MVD: variants seen among roughly 807,000 people sequenced by gnomAD.
MVD encodes the protein mevalonate diphosphate decarboxylase, also known as diphosphomevalonate decarboxylase.
In MVD, 52 loss-of-function variants were observed where a neutral mutation model predicts 42.4. The ratio of observed to expected loss-of-function variants is 1.23; its 90% CI spans 0.98 to 1.55. The LOEUF is 1.55. MVD is among the 40% of genes most tolerant of loss of function. The probability of loss-of-function intolerance (pLI) is 0.00; values close to 1 mark genes in which losing one functional copy is unlikely to be tolerated. For missense variants in MVD, 663 were observed against 572.1 expected (o/e 1.16, Z -1.62); for synonymous variants, 287 against 243.2 (o/e 1.18, Z -1.68).
intron 1 of MVD, among the ~76,000 whole-genome samples, chr16:88,661,858 TATATATA>T (rs1217564475): frequency 6.8e-6 from 1 of 147,762 alleles, no homozygotes; most frequent in Non-Finnish European, 1.5e-5. Context: ...AAAAAAAGTA[TATATATA>T]ATATATATAT....
At chr16:88,658,767 C>A in intron 1 of MVD, 47 bp from the exon 2 acceptor site, 1 of 1,491,542 alleles carries the variant, frequency 6.7e-7, no homozygotes, top group Non-Finnish European at 9.1e-7. Context: ...CCGGCCCACC[C>A]TCCCCCAGTG....
chr16:88,662,885 C>T, intron 1 of MVD, 126 bp downstream of exon 1: 19 of 1,478,528 alleles, frequency 1.3e-5, no homozygotes, highest in Non-Finnish European at 1.6e-5. Context: ...CCCTGAGCCT[C>T]AGTTTCCCCG....
rs34657446 is a variant in MVD at position 88,654,703 on chromosome 16, C to T, written c.1002G>A (p.Ser334=). Residue 334 remains serine (S), a synonymous_variant, in exon 8 of 10, where the codon TCG becomes TCA. Coordinates refer to ENST00000301012, the MANE Select transcript of MVD (RefSeq NM_002461.3). ...GGGTCCACACTCACGTGTCTCCATTCGAGCCTGGGGGAAAGCCGTGCCACA... is the reference window on the plus strand; with the variant it reads ...GGGTCCACACTCACGTGTCTCCATTTGAGCCTGGGGGAAAGCCGTGCCACA... ...AAVWHGFPPG[S]NGDTFLKGLQ... 80 of 1,598,396 alleles carry T rather than the reference C, an allele frequency of 5.0e-5. No individual in the cohort carries two copies. The African/African-American group carries it at 7.9e-4, about 16-fold the overall frequency.
rs1427820398 is a variant in MVD, at chr16:88,652,557, C to T, written c.1171G>A (p.Gly391Ser). Reference sequence around the variant, plus strand: ...GCTGGCTTCGGCAGGCCGTCAGGACCCAGGAGGTGGGCGCAGGGGTCATCC... The same window carrying T: ...GCTGGCTTCGGCAGGCCGTCAGGACTCAGGAGGTGGGCGCAGGGGTCATCC... ...ILDDPCAHLL[G>S]PDGLPKPAA Residue 391 changes from glycine to serine, a missense_variant, in exon 10 of 10, where the codon GGT becomes AGT. Coordinates refer to ENST00000301012, the MANE Select transcript of MVD (RefSeq NM_002461.3). The T allele has an allele frequency of 1.9e-6, 3 of 1,573,046 alleles. No individual in the cohort carries two copies. The highest frequency in any genetic ancestry group is 1.8e-5 in the Admixed American group (1 of 54,596).
intron 7 of MVD, 151 bp downstream of exon 7, chr16:88,655,048 C>A: frequency 1.9e-6 from 2 of 1,036,490 alleles, no homozygotes; most frequent in South Asian, 3.0e-5. Flanking sequence ...ACAGAAGAAC[C>A]CAGATGGTCA....
chr16:88,655,938 TG>T, intron 5 of MVD, 166 bp downstream of exon 5: 2 of 1,140,024 alleles, frequency 1.8e-6, no homozygotes, highest in Non-Finnish European at 2.4e-6. Context: ...GCCCGCCGCA[TG>T]GGAGCGGTTC....
chr16:88,655,461 G>T, intron 6 of MVD, 44 bp from the exon 7 acceptor site: 2 of 1,536,242 alleles, frequency 1.3e-6, no homozygotes, highest in South Asian at 1.2e-5. Context: ...TGGGGGTCTC[G>T]ACAGCAGAGG....
At position 88,652,730 on chromosome 16, in the gene MVD, A is replaced by G; in HGVS notation, c.1123-125T>C. 5.4e-6 allele frequency: 5 copies of G among 924,724 alleles called. 1 individual carries two copies. In the South Asian group the frequency reaches 8.4e-5, roughly 16 times the overall value. The allele number at this position is 924,724 out of a possible 1,614,324, so 57.3% of individuals were successfully genotyped here. On this transcript the variant is annotated intron_variant, in intron 9 of 9. Coordinates refer to ENST00000301012, the MANE Select transcript of MVD (RefSeq NM_002461.3). The stretch of plus-strand genomic sequence containing the variant: ...CGCCCTTCCTGTGGGTCCTGGTCAG[A>G]AGGTAAAGCGCCTGAGTGGTGACAC...
chr16:88,662,974 C>G (rs781469784), intron 1 of MVD, 37 bp downstream of exon 1: 1 of 1,578,634 alleles, frequency 6.3e-7, no homozygotes, highest in Non-Finnish European at 8.6e-7. Context: ...GCCTCGCTCC[C>G]GGCCATCCCC....
In MVD at chr16:88,656,111, G is replaced by A; in HGVS notation, c.597C>T (p.Ile199=). ...ESHWPELRVL[I]LVVSAEKKLT... ...CCCGCCCCACCCCACTCACCACAAG[G>A]ATGAGCACGCGGAGTTCAGGCCAGT... Residue 199 remains isoleucine, a synonymous_variant, in exon 5 of 10, where the codon ATC becomes ATT. Transcript: ENST00000301012. 6.3e-7 allele frequency: 1 copy of A among 1,599,818 alleles called. No individual in the cohort carries two copies. Among genetic ancestry groups the A allele is most frequent in the Non-Finnish European group, 8.5e-7 (1 of 1,179,136 alleles).
intron 1 of MVD, chr16:88,662,711 C>A: frequency 7.1e-7 from 1 of 1,407,802 alleles, no homozygotes; most frequent in Admixed American, 2.5e-5. Flanking sequence ...CGGATTCTTA[C>A]GATTCATGGG....
intron 1 of MVD, among the ~76,000 whole-genome samples, chr16:88,661,931 T>C (rs1367889837): frequency 6.0e-5 from 3 of 49,956 alleles, no homozygotes; most frequent in African/African-American, 1.3e-4. Flanking sequence ...CACACATATA[T>C]CTATACAGGT....
At chr16:88,655,057 C>G (rs568618926) in intron 7 of MVD, 142 bp downstream of exon 7, 3 of 1,074,468 alleles carry the variant, frequency 2.8e-6, no homozygotes, top group African/African-American at 3.2e-5. Context: ...CCCAGATGGT[C>G]AGTGAGCTTC....
intron 1 of MVD, chr16:88,659,294 T>TTTTTTAATGATAC: frequency 5.9e-6 from 1 of 169,830 alleles, no homozygotes; most frequent in Admixed American, 5.6e-5. Context: ...TCTCTGAGGA[T>TTTTTTAATGATAC]GGCGGACAGT....
rs138188988 is a variant in MVD, at chr16:88,657,570, G to C, written c.269C>G (p.Ala90Gly). Reference sequence around the variant, plus strand: ...ATCCCGTGAGTTCCTCCGCTTCCGGGCCAGGCAGCGGACTGCAGAGACAAT... The same window carrying C: ...ATCCCGTGAGTTCCTCCGCTTCCGGCCCAGGCAGCGGACTGCAGAGACAAT... Reference protein sequence around the residue: ...QACLREIRCLARKRRNSRDGD... With the variant: ...QACLREIRCLGRKRRNSRDGD... The change falls in exon 4 of 10, where the codon GCC becomes GGC. Residue 90 changes from alanine to glycine, a missense_variant. Coordinates refer to ENST00000301012, the MANE Select transcript of MVD (RefSeq NM_002461.3). 6.2e-6 allele frequency: 10 copies of C among 1,612,426 alleles called. No homozygotes were observed. In the African/African-American group the frequency reaches 1.3e-4, roughly 22 times the overall value.
At chr16:88,656,863 G>C (rs1008934990) in intron 4 of MVD, 2 of 271,712 alleles carry the variant, frequency 7.4e-6, no homozygotes, top group Non-Finnish European at 1.5e-5. Flanking sequence ...CACCCCTGGA[G>C]TTGAGGGGTG....
chr16:88,654,973 C>A, intron 7 of MVD, 166 bp from the exon 8 acceptor site: 1 of 850,432 alleles, frequency 1.2e-6, no homozygotes, highest in Non-Finnish European at 1.8e-6. Flanking sequence ...CTTGACACGT[C>A]TGCCTGTGAA....
chr16:88,655,550 G>A (rs1907859032), intron 6 of MVD, 106 bp downstream of exon 6: 10 of 1,513,574 alleles, frequency 6.6e-6, no homozygotes, highest in Non-Finnish European at 8.9e-6. Context: ...GGTCTTGGCG[G>A]GGCTGCCGCA....
In MVD at chr16:88,654,954, T is replaced by C. The variant is rs369896515; in HGVS notation, c.898-147A>G. 96 of 890,510 alleles carry C rather than the reference T, an allele frequency of 1.1e-4. 4 individuals carry two copies. Among genetic ancestry groups the C allele is most frequent in the Admixed American group, 7.6e-4 (26 of 34,296 alleles). The allele number at this position is 890,510 out of a possible 1,614,324, so 55.2% of individuals were successfully genotyped here. On this transcript the variant is annotated intron_variant, in intron 7 of 9. Coordinates refer to ENST00000301012, the MANE Select transcript of MVD (RefSeq NM_002461.3). ...ACTGGAGTGGAGCTGTGACCCCAAG[T>C]GCCTGGTACTTGACACGTCTGCCTG...
Sources: gnomAD v4.1 joint callset for allele counts (sites outside exome capture counted in the v4.1 genomes callset) on GRCh38, gnomAD v4.1.1 for gene constraint, MANE v1.5 for transcripts, NCBI Gene and HGNC (gene_info 2026-07-23, HGNC 2026-07-21) for gene names.